LARS1: variants seen among roughly 807,000 people sequenced by gnomAD.
LARS1 encodes the protein leucine--tRNA ligase, cytoplasmic.
In LARS1, 100 loss-of-function variants were observed where a neutral mutation model predicts 162.8. The ratio of observed to expected loss-of-function variants is 0.61; its 90% CI spans 0.52 to 0.73. The LOEUF (loss-of-function observed/expected upper bound fraction) is 0.73. Among genes scored for constraint, LARS1 ranks in the 30% least tolerant of loss-of-function variants. LARS1 has a pLI of 0.00. For synonymous variants in LARS1, 457 were observed against 462.8 expected (o/e 0.99, Z 0.16); for missense variants, 1,258 against 1,408.9 (o/e 0.89, Z 1.71).
At chr5:146,125,255 A>G (rs2126394084) in intron 28 of LARS1, among the ~76,000 whole-genome samples, 1 of 152,030 alleles carries the variant, frequency 6.6e-6, no homozygotes. Flanking sequence ...AGTGTAGGTC[A>G]ACACAGGATT....
chr5:146,124,900 C>T (rs928584109), intron 28 of LARS1, among the ~76,000 whole-genome samples: 9 of 151,828 alleles, frequency 5.9e-5, no homozygotes, highest in Non-Finnish European at 8.8e-5. Flanking sequence ...AAATCACCAA[C>T]ATAATTTTAA....
intron 10 of LARS1, among the ~76,000 whole-genome samples, chr5:146,154,996 C>A (rs1440491988): frequency 1.3e-5 from 2 of 151,642 alleles, no homozygotes; most frequent in African/African-American, 4.8e-5. Flanking sequence ...GGATTACAGG[C>A]ATGCACCACC....
At chr5:146,125,716 A>G (rs1752014476) in intron 28 of LARS1, among the ~76,000 whole-genome samples, 1 of 151,936 alleles carries the variant, frequency 6.6e-6, no homozygotes, top group Non-Finnish European at 1.5e-5. Flanking sequence ...CTGGCCCCAT[A>G]GCCTGCGATC....
chr5:146,130,435 A>G (rs574602822), intron 24 of LARS1: 1 of 410,082 alleles, frequency 2.4e-6, no homozygotes, highest in South Asian at 2.8e-5. Context: ...ACTGTATATT[A>G]AGGGTGACTG....
At position 146,114,141 on chromosome 5, in the gene LARS1, C is replaced by A; in HGVS notation, c.3496G>T (p.Asp1166Tyr). ...IHLTENGIRV[D>Y]IGDTIIYLVH ...AGATAGATTATTGTATCGCCAATAT[C>A]CACCCTTATCCCATTCTCAGTCAGA... The change falls in exon 32 of 32, where the codon GAT becomes TAT. Residue 1166 changes from aspartate (D) to tyrosine (Y), a missense_variant. By Grantham distance (160) the Asp-to-Tyr change is radical. Transcript: ENST00000394434. 8.1e-6 allele frequency: 13 copies of A among 1,613,744 alleles called. No individual in the cohort carries two copies. The highest frequency in any genetic ancestry group is 1.1e-5 in the Non-Finnish European group (13 of 1,179,888).
intron 2 of LARS1, among the ~76,000 whole-genome samples, chr5:146,173,518 C>T (rs747183109): frequency 1.3e-5 from 2 of 149,888 alleles, no homozygotes; most frequent in African/African-American, 2.5e-5. Flanking sequence ...GGTAGATTCA[C>T]TTTAAACGCA....
intron 4 of LARS1, among the ~76,000 whole-genome samples, chr5:146,170,885 GA>G (rs201743208): frequency 3.4e-4 from 46 of 135,442 alleles, no homozygotes; most frequent in East Asian, 6.4e-4. Flanking sequence ...CTCCAACTCA[GA>G]AAAAAAAAAA....
In LARS1 at chr5:146,153,921, G is replaced by A. The variant is rs779543590; in HGVS notation, c.1125C>T (p.Leu375=). 6.2e-7 allele frequency: 1 copy of A among 1,612,050 alleles called. No individual in the cohort carries two copies. The highest frequency in any genetic ancestry group is 8.5e-7 in the Non-Finnish European group (1 of 1,179,094). The change falls in exon 11 of 32, where the codon CTC becomes CTT. Residue 375 remains leucine (L), a synonymous_variant. Transcript: ENST00000394434. Reference sequence around the variant, plus strand: ...TATCCTCCTTAATAGTTAGCATTGGGAGAACATAGATCACCTTGTATGATG... The same window carrying A: ...TATCCTCCTTAATAGTTAGCATTGGAAGAACATAGATCACCTTGTATGATG... ...PLTSYKVIYV[L]PMLTIKEDKG... is the part of the protein sequence containing the mutation.
At chr5:146,165,259 G>C (rs1414553960) in intron 5 of LARS1, among the ~76,000 whole-genome samples, 1 of 152,142 alleles carries the variant, frequency 6.6e-6, no homozygotes, top group Non-Finnish European at 1.5e-5. Context: ...ACTTGAACCG[G>C]GAGGCGGAGG....
In LARS1 at chr5:146,157,501, T is replaced by C. The variant is rs754428997; in HGVS notation, c.967A>G (p.Ile323Val). 83 of 1,613,990 alleles carry C rather than the reference T, an allele frequency of 5.1e-5. No individual in the cohort carries two copies. The Middle Eastern group carries it at 9.9e-4, about 19-fold the overall frequency. The part of the protein sequence containing the change: ...YIGFETVNGD[I>V]FICTQKAARN... The stretch of plus-strand genomic sequence containing the variant: ...GCTGCTTTTTGGGTACAGATGAATA[T>C]ATCACCATTCACCGTCTCAAATCCA... The change falls in exon 10 of 32, where the codon ATA becomes GTA. Residue 323 changes from isoleucine (I) to valine (V), a missense_variant. Ile to Val is a conservative substitution (Grantham distance 29). Transcript: ENST00000394434.
chr5:146,121,794 G>C (rs1751833540), intron 30 of LARS1, among the ~76,000 whole-genome samples: 1 of 152,076 alleles, frequency 6.6e-6, no homozygotes, highest in South Asian at 2.1e-4. Flanking sequence ...CATGGACATA[G>C]GGAGGAGAAT....
intron 15 of LARS1, among the ~76,000 whole-genome samples, chr5:146,148,286 G>A (rs893410401): frequency 3.9e-5 from 6 of 152,196 alleles, no homozygotes; most frequent in African/African-American, 1.2e-4. Flanking sequence ...CAAGATTTGT[G>A]CATCAGGACA....
intron 21 of LARS1, chr5:146,137,973 AT>A (rs1752586196): frequency 6.4e-6 from 1 of 156,714 alleles, no homozygotes; most frequent in Admixed American, 6.5e-5. Context: ...ATACAAAAAA[AT>A]GAGCCGAGCA....
chr5:146,117,325 T>A (rs1411577633), intron 31 of LARS1, among the ~76,000 whole-genome samples: 1 of 152,050 alleles, frequency 6.6e-6, no homozygotes, highest in Non-Finnish European at 1.5e-5. Flanking sequence ...AATAATCCCA[T>A]CCAAGCAGGG....
chr5:146,126,008 C>T (rs1284906864), intron 28 of LARS1, among the ~76,000 whole-genome samples: 1 of 151,918 alleles, frequency 6.6e-6, no homozygotes, highest in East Asian at 1.9e-4. Flanking sequence ...ACTATCTAGC[C>T]CAAAATACCA....
chr5:146,169,331 G>A (rs1169203452), intron 4 of LARS1, among the ~76,000 whole-genome samples: 2 of 151,982 alleles, frequency 1.3e-5, no homozygotes, highest in Non-Finnish European at 2.9e-5. Context: ...AAACAAAGAT[G>A]ACACCAAGTA....
At chr5:146,122,612 G>A (rs1327983415) in intron 29 of LARS1, 25 bp from the exon 30 acceptor site, 2 of 1,326,832 alleles carry the variant, frequency 1.5e-6, no homozygotes, top group Admixed American at 3.5e-5. Flanking sequence ...AAAAATGGAA[G>A]TTATTAGTAT....
intron 22 of LARS1, among the ~76,000 whole-genome samples, chr5:146,134,074 T>C (rs773921383): frequency 2.0e-5 from 3 of 152,112 alleles, no homozygotes; most frequent in Non-Finnish European, 4.4e-5. Flanking sequence ...AAACTCCCGA[T>C]CTCAGGTAAA....
intron 4 of LARS1, 77 bp from the exon 5 acceptor site, chr5:146,168,342 A>G: frequency 6.8e-7 from 1 of 1,479,878 alleles, no homozygotes; most frequent in Non-Finnish European, 9.1e-7. Context: ...TTTTATTGCC[A>G]ACTAAAATTG....
Sources: gnomAD v4.1 joint callset for allele counts (sites outside exome capture counted in the v4.1 genomes callset) on GRCh38, gnomAD v4.1.1 for gene constraint, MANE v1.5 for transcripts, NCBI Gene and HGNC (gene_info 2026-07-23, HGNC 2026-07-21) for gene names.